CAMK2B: variants seen among roughly 807,000 people sequenced by gnomAD.
CAMK2B encodes the protein calcium/calmodulin dependent protein kinase II beta, also known as calcium/calmodulin-dependent protein kinase type II subunit beta.
A neutral mutation model predicts 93.7 loss-of-function variants in CAMK2B; 27 were observed. The observed-to-expected ratio is 0.29, with a 90% CI of 0.21 to 0.40. CAMK2B has a LOEUF of 0.40. Among genes scored for constraint, CAMK2B ranks in the 10% least tolerant of loss-of-function variants. CAMK2B has a pLI of 1.00. For synonymous variants in CAMK2B, 374 were observed against 358.8 expected (o/e 1.04, Z -0.48); for missense variants, 568 against 895.8 (o/e 0.63, Z 4.67).
Position 44,217,410 on chromosome 7 carries a change from A to G in CAMK2B, c.*2115T>C, listed in dbSNP as rs1054215528. On this transcript the variant is annotated 3_prime_UTR_variant, in exon 24 of 24. Coordinates refer to ENST00000395749, the MANE Select transcript of CAMK2B (RefSeq NM_001220.5). ...GTCATGCAAAAGAATTATCCCCCAGAAAAAAAATCCCCAAATTATCCCAGA... is the reference window on the plus strand; with the variant it reads ...GTCATGCAAAAGAATTATCCCCCAGGAAAAAAATCCCCAAATTATCCCAGA... The G allele has an allele frequency of 2.0e-5, 3 of 151,894 alleles. No homozygotes were observed. The highest frequency in any genetic ancestry group is 2.4e-5 in the African/African-American group (1 of 41,294). 9.4% of individuals were successfully genotyped at this position (151,894 alleles called of 1,614,324 possible). A position where few individuals can be genotyped will look rare whatever the true frequency, so the allele number is the denominator to read the frequency against.
At chr7:44,242,180 G>C (rs1031958777) in intron 10 of CAMK2B, 38 bp downstream of exon 10, 3 of 1,594,392 alleles carry the variant, frequency 1.9e-6, no homozygotes, top group African/African-American at 2.7e-5. Flanking sequence ...TCTCCACCAG[G>C]AGCCCCCTCC....
chr7:44,237,774 G>C (rs2096640079), intron 13 of CAMK2B, among the ~76,000 whole-genome samples: 1 of 152,224 alleles, frequency 6.6e-6, no homozygotes, highest in Non-Finnish European at 1.5e-5. Flanking sequence ...GCAGTCACAG[G>C]CATCTCAGAC....
intron 3 of CAMK2B, 89 bp downstream of exon 3, chr7:44,262,916 T>A (rs2096891741): frequency 8.8e-7 from 1 of 1,137,984 alleles, no homozygotes; most frequent in Non-Finnish European, 1.3e-6. Context: ...TTTCTGCATC[T>A]CTTTGAAAGT....
chr7:44,293,656 G>A (rs1276597632), intron 1 of CAMK2B, among the ~76,000 whole-genome samples: 2 of 152,182 alleles, frequency 1.3e-5, no homozygotes, highest in Non-Finnish European at 2.9e-5. Context: ...TAAGGAGCGC[G>A]CAACCTAGAT....
intron 2 of CAMK2B, among the ~76,000 whole-genome samples, chr7:44,280,421 G>A (rs1402785426): frequency 6.6e-6 from 1 of 152,202 alleles, no homozygotes; most frequent in Non-Finnish European, 1.5e-5. Context: ...GGAAGTGCAT[G>A]TCAGAGCTGT....
intron 1 of CAMK2B, among the ~76,000 whole-genome samples, chr7:44,293,191 G>A (rs1016574560): frequency 6.6e-6 from 1 of 152,212 alleles, no homozygotes; most frequent in Non-Finnish European, 1.5e-5. Context: ...CAGGTCCCCA[G>A]TCACCGTTCT....
rs77098805 is a variant in CAMK2B at position 44,289,532 on chromosome 7, C to A, written c.66-5307G>T. On this transcript the variant is annotated intron_variant, in intron 1 of 23. Transcript: ENST00000395749. ...ACCAGGGAGGGAAGGTCGGACCCTGCGTCCCCACAGCCTATCCCGTGTGGT... is the reference window on the plus strand; with the variant it reads ...ACCAGGGAGGGAAGGTCGGACCCTGAGTCCCCACAGCCTATCCCGTGTGGT... Among the ~76,000 whole-genome samples the A allele has an allele frequency of 6.1e-3, 929 of 152,316 alleles. 13 individuals carry two copies. The highest frequency in any genetic ancestry group is 0.021 in the African/African-American group (893 of 41,568).
In CAMK2B at chr7:44,220,178, G is replaced by T; in HGVS notation, c.1885C>A (p.Gln629Lys). 1.9e-6 allele frequency: 3 copies of T among 1,612,680 alleles called. No homozygotes were observed. The highest frequency in any genetic ancestry group is 2.5e-6 in the Non-Finnish European group (3 of 1,179,926). ...GACTGGCTGGTGCGGGGCCGGCCCT[G>T]CCCGTCAATGTACTGCGTGAGCCGG... ...YIRLTQYIDG[Q>K]GRPRTSQSEE... Residue 629 changes from glutamine (Q) to lysine (K), a missense_variant, in exon 23 of 24, where the codon CAG becomes AAG. By Grantham distance (53) the Gln-to-Lys change is moderately conservative. Coordinates refer to ENST00000395749, the MANE Select transcript of CAMK2B (RefSeq NM_001220.5).
rs969143111 is a variant in CAMK2B at position 44,224,153 on chromosome 7, G to A, written c.1597+2363C>T. ...AGAGTTCCAATCAAGAGTGGTAACC[G>A]TGCTGAAGTACGGGAAGCAGGTCCG... On this transcript the variant is annotated intron_variant, in intron 20 of 23. Coordinates refer to ENST00000395749, the MANE Select transcript of CAMK2B (RefSeq NM_001220.5). This position sits in a 1 kb window ranked among gnomAD's most constrained non-coding sequence, Gnocchi z 4.4. Among the ~76,000 whole-genome samples, 3 of 152,352 alleles carry A rather than the reference G, an allele frequency of 2.0e-5. No individual in the cohort carries two copies. Among genetic ancestry groups the A allele is most frequent in the South Asian group, 2.1e-4 (1 of 4,830 alleles).
chr7:44,225,513 G>T lies in CAMK2B; in HGVS notation c.1597+1003C>A, dbSNP rs1447650211. Among the ~76,000 whole-genome samples, 1 of 152,102 alleles carries T rather than the reference G, an allele frequency of 6.6e-6. No homozygotes were observed. The highest frequency in any genetic ancestry group is 1.5e-5 in the Non-Finnish European group (1 of 68,004). On this transcript the variant is annotated intron_variant, in intron 20 of 23. Transcript: ENST00000395749. This position sits in a 1 kb window ranked among gnomAD's most constrained non-coding sequence, Gnocchi z 5.0. ...GATCCCCTCAGTCAACCCCTGCTGG[G>T]GGTCCTCAGCCGACCACAGAAGCTC...
At chr7:44,273,183 A>G (rs989520711) in intron 2 of CAMK2B, among the ~76,000 whole-genome samples, 14 of 152,130 alleles carry the variant, frequency 9.2e-5, no homozygotes, top group Non-Finnish European at 1.8e-4. Context: ...TATTCAAACC[A>G]GCCGAAACTG....
At chr7:44,251,490 C>T (rs2096780223) in intron 5 of CAMK2B, among the ~76,000 whole-genome samples, 1 of 152,226 alleles carries the variant, frequency 6.6e-6, no homozygotes, top group Admixed American at 6.5e-5. Flanking sequence ...GGGCCCCATG[C>T]TGAGGCTGTC....
At chr7:44,308,757 T>G (rs1333198854) in intron 1 of CAMK2B, among the ~76,000 whole-genome samples, 1 of 152,148 alleles carries the variant, frequency 6.6e-6, no homozygotes, top group Admixed American at 6.5e-5. Flanking sequence ...GCCCCAAGAC[T>G]GGCCATGAGG....
chr7:44,306,213 C>CGT (rs1207695186), intron 1 of CAMK2B, among the ~76,000 whole-genome samples: 6 of 152,084 alleles, frequency 3.9e-5, no homozygotes, highest in Non-Finnish European at 1.5e-5. Context: ...CTGAAAGCCA[C>CGT]GGTGGGCTGG....
At chr7:44,244,447 T>C (rs919595949) in intron 6 of CAMK2B, among the ~76,000 whole-genome samples, 2 of 151,946 alleles carry the variant, frequency 1.3e-5, no homozygotes, top group Non-Finnish European at 2.9e-5. Flanking sequence ...GTGGGGTCTC[T>C]TGGCTGCAGG....
At position 44,220,218 on chromosome 7, in the gene CAMK2B, G is replaced by A. The variant is rs2096382728; in HGVS notation, c.1845C>T (p.Ala615=). Residue 615 remains alanine (A), a synonymous_variant, in exon 23 of 24, where the codon GCC becomes GCT. Transcript: ENST00000395749. The part of the protein sequence containing the change: ...PHVHVIGEDA[A]CIAYIRLTQY... ...GCGTGAGCCGGATGTAAGCGATGCA[G>A]GCGGCATCCTCTCCAATGACGTGCA... is the stretch of plus-strand genomic sequence containing the variant. 6.2e-7 allele frequency: 1 copy of A among 1,613,284 alleles called. No individual in the cohort carries two copies. Among genetic ancestry groups the A allele is most frequent in the South Asian group, 1.1e-5 (1 of 91,090 alleles).
intron 13 of CAMK2B, 146 bp downstream of exon 13, chr7:44,239,443 G>A: frequency 1.5e-6 from 1 of 675,640 alleles, no homozygotes; most frequent in Non-Finnish European, 2.6e-6. Flanking sequence ...GCTGGGATGT[G>A]ACCACACGGG....
Position 44,236,805 on chromosome 7 carries a change from C to CT in CAMK2B, c.1022-2130dup, listed in dbSNP as rs1205650442. Among the ~76,000 whole-genome samples, 3 of 152,224 alleles carry CT rather than the reference C, an allele frequency of 2.0e-5. No homozygotes were observed. The East Asian group carries it at 5.8e-4, about 29-fold the overall frequency. On this transcript the variant is annotated intron_variant, in intron 13 of 23. Coordinates refer to ENST00000395749, the MANE Select transcript of CAMK2B (RefSeq NM_001220.5). ...AAACACCCGCCCAGTGCCAGCCAGCCTGAGGCTGCAGCTGAGGGATCCTGT... is the reference window on the plus strand; with the variant it reads ...AAACACCCGCCCAGTGCCAGCCAGCCTTGAGGCTGCAGCTGAGGGATCCTGT...
chr7:44,270,657 G>A (rs2096966161), intron 2 of CAMK2B, among the ~76,000 whole-genome samples: 1 of 152,216 alleles, frequency 6.6e-6, no homozygotes, highest in South Asian at 2.1e-4. Flanking sequence ...CCCATGAAAT[G>A]GATTCAGGAG....
Sources: allele counts gnomAD v4.1 joint callset (sites outside exome capture counted in the v4.1 genomes callset), GRCh38; gene constraint gnomAD v4.1.1; non-coding constraint Gnocchi (gnomAD v3.1); transcripts MANE v1.5; gene names NCBI Gene and HGNC (gene_info 2026-07-23, HGNC 2026-07-21).